Variants in PARP16 observed in about 807,000 individuals in gnomAD.
PARP16 encodes protein mono-ADP-ribosyltransferase PARP16.
In PARP16, 31 loss-of-function variants were observed where a neutral mutation model predicts 35.0. That is an observed-to-expected ratio of 0.88 (90% CI 0.66 to 1.19). PARP16 has a LOEUF of 1.19. Among genes scored for constraint, PARP16 ranks in the 50% most tolerant of loss-of-function variants. The probability of loss-of-function intolerance (pLI) is 0.00; values close to 1 mark genes in which losing one functional copy is unlikely to be tolerated. For missense variants in PARP16, 424 were observed against 411.2 expected (o/e 1.03, Z -0.27); for synonymous variants, 162 against 169.5 (o/e 0.96, Z 0.34).
At chr15:65,265,308 T>G (rs995502301) in intron 3 of PARP16, among the ~76,000 whole-genome samples, 1 of 152,238 alleles carries the variant, frequency 6.6e-6, no homozygotes, top group Non-Finnish European at 1.5e-5. Context: ...AAAGAGCCCT[T>G]TGCATACATG....
chr15:65,240,323 A>AGTGTGTGTGTGTGTGTGTGTGTGTGTGT (rs34811236), intron 3 of PARP16, among the ~76,000 whole-genome samples: 56 of 126,118 alleles, frequency 4.4e-4, no homozygotes, highest in African/African-American at 1.5e-3. Flanking sequence ...GGGGGGGGCT[A>AGTGTGTGTGTGTGTGTGTGTGTGTGTGT]GTGTGTGTGT....
At chr15:65,252,800 G>A (rs2089394009) in intron 2 of PARP16, among the ~76,000 whole-genome samples, 1 of 152,182 alleles carries the variant, frequency 6.6e-6, no homozygotes, top group African/African-American at 2.4e-5. Flanking sequence ...CAAGTCAACA[G>A]TTTAGCCTCT....
chr15:65,249,486 T>C (rs1053453212), intron 2 of PARP16, among the ~76,000 whole-genome samples: 3 of 152,220 alleles, frequency 2.0e-5, no homozygotes, highest in Admixed American at 6.5e-5. Flanking sequence ...TCGTTCAACC[T>C]GGAGACAGAC....
intron 3 of PARP16, among the ~76,000 whole-genome samples, chr15:65,236,913 A>C (rs2088893582): frequency 6.7e-6 from 1 of 150,236 alleles, no homozygotes; most frequent in Non-Finnish European, 1.5e-5. Context: ...CAGAGGTTGC[A>C]GTGAGCCGAG....
chr15:65,272,772 G>C (rs1266467288), intron 1 of PARP16, among the ~76,000 whole-genome samples: 1 of 152,162 alleles, frequency 6.6e-6, no homozygotes. Flanking sequence ...TGGAATCTCT[G>C]TTGAGCTTCT....
chr15:65,262,402 G>A (rs1961279), intron 4 of PARP16, among the ~76,000 whole-genome samples: 61,223 of 152,080 alleles, frequency 0.4, 13,974 homozygotes, highest in East Asian at 0.86. Flanking sequence ...AAAGTGCTGG[G>A]ATTACAGGCG....
At chr15:65,281,134 G>A (rs958458988) in intron 1 of PARP16, among the ~76,000 whole-genome samples, 1 of 152,150 alleles carries the variant, frequency 6.6e-6, no homozygotes, top group African/African-American at 2.4e-5. Flanking sequence ...ACCAGAACAT[G>A]CTATTTCGGG....
intron 3 of PARP16, among the ~76,000 whole-genome samples, chr15:65,243,497 C>G (rs1467499638): frequency 6.6e-6 from 1 of 152,186 alleles, no homozygotes; most frequent in East Asian, 1.9e-4. Flanking sequence ...GTGATCCACC[C>G]TCCTTGACCT....
chr15:65,255,076 CT>C (rs2089462000), downstream of PARP16, among the ~76,000 whole-genome samples: 1 of 152,142 alleles, frequency 6.6e-6, no homozygotes, highest in Admixed American at 6.5e-5. Context: ...CTGGGGGCCC[CT>C]ATGAGGTGGC....
chr15:65,239,424 TAAAAAA>T (rs758350761), intron 3 of PARP16, among the ~76,000 whole-genome samples: 102 of 6,950 alleles, frequency 0.015, no homozygotes, highest in South Asian at 0.027. Context: ...AGACTTTGCC[TAAAAAA>T]AAAAAAAAAA....
At chr15:65,273,645 G>A (rs2090158881) in intron 1 of PARP16, among the ~76,000 whole-genome samples, 2 of 152,124 alleles carry the variant, frequency 1.3e-5, no homozygotes, top group Admixed American at 1.3e-4. Context: ...TTGGGAGGCT[G>A]GGGTGGGCGG....
intron 2 of PARP16, among the ~76,000 whole-genome samples, chr15:65,250,107 C>T (rs113591066): frequency 0.14 from 12,570 of 86,936 alleles, 1,035 homozygotes; most frequent in Non-Finnish European, 0.17. Context: ...ACCTGCTTGC[C>T]TTTTTTTTTT....
chr15:65,261,028 TGAATAA>T lies in PARP16; in HGVS notation c.692-8_692-3del, dbSNP rs772236534. On this transcript the variant is annotated splice_polypyrimidine_tract_variant and splice_region_variant and intron_variant, in intron 4 of 5. Transcript: ENST00000649807. ...GTCTGCGATCTATCTCCTTGGAATC[TGAATAA>T]GGAGAGTAAAACACATCTTCACTGG... 6.2e-7 allele frequency: 1 copy of T among 1,612,764 alleles called. No individual in the cohort carries two copies. The highest frequency in any genetic ancestry group is 2.2e-5 in the East Asian group (1 of 44,838).
At chr15:65,237,740 C>T (rs2088925485) in intron 3 of PARP16, among the ~76,000 whole-genome samples, 1 of 152,202 alleles carries the variant, frequency 6.6e-6, no homozygotes, top group African/African-American at 2.4e-5. Context: ...AACTTCTGGC[C>T]TCCAGAACTG....
In PARP16 at chr15:65,250,393, C is replaced by T. The variant is rs148395736; in HGVS notation, c.203-2165G>A. Among the ~76,000 whole-genome samples the T allele has an allele frequency of 8.5e-3, 1,288 of 152,200 alleles. 22 individuals carry two copies. Among genetic ancestry groups the T allele is most frequent in the African/African-American group, 0.028 (1,146 of 41,524 alleles). On this transcript the variant is annotated intron_variant and NMD_transcript_variant, in intron 2 of 3. Transcript: ENST00000559805. ...TCAGCCTCCCAAAGTGCTGGGATTA[C>T]AGGCGTGAGCCACTGTGCCTGGCCA...
rs1258929791 is a variant in PARP16 at position 65,261,766 on chromosome 15, C to G, written c.692-740G>C. Among the ~76,000 whole-genome samples the G allele has an allele frequency of 2.6e-5, 4 of 151,876 alleles. No individual in the cohort carries two copies. In the East Asian group the frequency reaches 7.8e-4, roughly 30 times the overall value. On this transcript the variant is annotated intron_variant, in intron 4 of 5. Coordinates refer to ENST00000649807, the MANE Select transcript of PARP16 (RefSeq NM_001316943.2). ...AGCCACCACACCCGGCCTTAACAGGCATTTTAAATGAACCACTCTGGATTT... is the reference window on the plus strand; with the variant it reads ...AGCCACCACACCCGGCCTTAACAGGGATTTTAAATGAACCACTCTGGATTT...
At chr15:65,267,004 G>A (rs1381498507) in intron 2 of PARP16, among the ~76,000 whole-genome samples, 3 of 152,080 alleles carry the variant, frequency 2.0e-5, no homozygotes, top group Non-Finnish European at 2.9e-5. Flanking sequence ...AACTTTGGGA[G>A]GCCGAGGCAG....
At chr15:65,252,967 C>T (rs1035283615) in intron 2 of PARP16, among the ~76,000 whole-genome samples, 1 of 151,928 alleles carries the variant, frequency 6.6e-6, no homozygotes, top group Non-Finnish European at 1.5e-5. Context: ...GTCTCTACTA[C>T]TAATACAAAA....
At position 65,286,470 on chromosome 15, in the gene PARP16, G is replaced by T. The variant is rs558438594; in HGVS notation, c.-44C>A. On this transcript the variant is annotated 5_prime_UTR_variant, in exon 1 of 6. Coordinates refer to ENST00000649807, the MANE Select transcript of PARP16 (RefSeq NM_001316943.2). Reference sequence around the variant, plus strand: ...GCCGGGGTAGACGCGCTGGTTAGGGGCAAGGGCGAGCGTGCGTTCAGCGCG... The same window carrying T: ...GCCGGGGTAGACGCGCTGGTTAGGGTCAAGGGCGAGCGTGCGTTCAGCGCG... 2.9e-6 allele frequency: 4 copies of T among 1,369,470 alleles called. No individual in the cohort carries two copies. In the African/African-American group the frequency reaches 4.6e-5, roughly 16 times the overall value. 84.8% of individuals were successfully genotyped at this position (1,369,470 alleles called of 1,614,324 possible).
Sources: allele counts gnomAD v4.1 joint callset (sites outside exome capture counted in the v4.1 genomes callset), GRCh38; gene constraint gnomAD v4.1.1; transcripts MANE v1.5; gene names NCBI Gene and HGNC (gene_info 2026-07-23, HGNC 2026-07-21).